The following SGF29 variants were observed in gnomAD, a reference collection of about 807,000 sequenced individuals.
SGF29 encodes the protein SAGA complex associated factor 29, also known as SAGA-associated factor 29.
SGF29 carries 15 observed loss-of-function variants against 38.1 expected under a neutral mutation model. That is an observed-to-expected ratio of 0.39 (90% CI 0.26 to 0.61). SGF29 has a LOEUF of 0.61. SGF29 is among the 20% of genes least tolerant of loss of function. The pLI, the probability that SGF29 is intolerant of heterozygous loss-of-function variation, is 0.49. For missense variants in SGF29, 184 were observed against 394.6 expected (o/e 0.47, Z 4.52); for synonymous variants, 151 against 160.8 (o/e 0.94, Z 0.46).
intron 1 of SGF29, among the ~76,000 whole-genome samples, chr16:28,555,190 G>A (rs180941629): frequency 2.0e-5 from 3 of 152,138 alleles, no homozygotes; most frequent in Admixed American, 1.3e-4. Context: ...CTGGCCAGGC[G>A]CGGTGGCTCA....
intron 1 of SGF29, among the ~76,000 whole-genome samples, chr16:28,566,317 C>T (rs1008336798): frequency 6.6e-6 from 1 of 151,318 alleles, no homozygotes; most frequent in African/African-American, 2.4e-5. Context: ...CTTAGGGGAA[C>T]AGAAAGGCAA....
chr16:28,561,856 T>G (rs1162458424), intron 1 of SGF29, among the ~76,000 whole-genome samples: 3 of 152,224 alleles, frequency 2.0e-5, no homozygotes, highest in Non-Finnish European at 4.4e-5. Flanking sequence ...CCCCAGGGCC[T>G]CATTCCCACT....
At chr16:28,563,082 G>A (rs1474013790) in intron 1 of SGF29, among the ~76,000 whole-genome samples, 1 of 152,034 alleles carries the variant, frequency 6.6e-6, no homozygotes, top group African/African-American at 2.4e-5. Flanking sequence ...AGGTTGTTGG[G>A]ATTTGCTTTA....
At chr16:28,564,708 CATATATATGT>C (rs1555474884) in intron 1 of SGF29, among the ~76,000 whole-genome samples, 8 of 50,232 alleles carry the variant, frequency 1.6e-4, no homozygotes, top group African/African-American at 3.9e-4. Flanking sequence ...TATATATATA[CATATATATGT>C]ATATATATAC....
At chr16:28,569,356 C>T (rs1409063831) in intron 1 of SGF29, among the ~76,000 whole-genome samples, 2 of 152,086 alleles carry the variant, frequency 1.3e-5, no homozygotes, top group Non-Finnish European at 2.9e-5. Context: ...AGCATGGCCA[C>T]GTTGTAAAGA....
rs369823574 is a variant in SGF29, at chr16:28,585,635, G to A, written c.152-13G>A. The A allele has an allele frequency of 6.2e-7, 1 of 1,613,602 alleles. No individual in the cohort carries two copies. The highest frequency in any genetic ancestry group is 2.2e-5 in the East Asian group (1 of 44,890). ...CCTGGCCCTGCCTCCTTATCCCTGT[G>A]TTTCCTCTGCAGTTTCTCCCTATTA... On this transcript the variant is annotated splice_polypyrimidine_tract_variant and intron_variant, in intron 3 of 9. Coordinates refer to ENST00000317058, the MANE Select transcript of SGF29 (RefSeq NM_138414.3).
At chr16:28,575,670 G>A (rs1466216697) in intron 1 of SGF29, among the ~76,000 whole-genome samples, 1 of 152,236 alleles carries the variant, frequency 6.6e-6, no homozygotes, top group East Asian at 1.9e-4. Flanking sequence ...GGGTGGCAGA[G>A]TGAGACTCCG....
At chr16:28,556,166 A>G (rs1166946715) in intron 1 of SGF29, among the ~76,000 whole-genome samples, 1 of 151,984 alleles carries the variant, frequency 6.6e-6, no homozygotes, top group East Asian at 1.9e-4. Flanking sequence ...TATAGATTCT[A>G]TTTATTTATT....
chr16:28,578,739 G>T (rs1429227510), intron 1 of SGF29, among the ~76,000 whole-genome samples: 1 of 149,398 alleles, frequency 6.7e-6, no homozygotes, highest in Non-Finnish European at 1.5e-5. Flanking sequence ...TCAGGAGTTT[G>T]AGACCAGCCT....
intron 1 of SGF29, among the ~76,000 whole-genome samples, chr16:28,560,114 C>G (rs2046777029): frequency 6.6e-6 from 1 of 151,328 alleles, no homozygotes; most frequent in Non-Finnish European, 1.5e-5. Context: ...TGGTGGTACA[C>G]AGGAGGCTCA....
intron 1 of SGF29, among the ~76,000 whole-genome samples, chr16:28,564,555 A>ATATATATACGTG (rs1434601032): frequency 1.5e-5 from 2 of 132,252 alleles, no homozygotes; most frequent in Non-Finnish European, 3.1e-5. Context: ...ATATACGTAT[A>ATATATATACGTG]TATATATATA....
chr16:28,564,008 A>G (rs1334859626), intron 1 of SGF29, among the ~76,000 whole-genome samples: 1 of 152,134 alleles, frequency 6.6e-6, no homozygotes, highest in Non-Finnish European at 1.5e-5. Context: ...CGGCCTCCCA[A>G]AGTGCTGGGA....
intron 1 of SGF29, among the ~76,000 whole-genome samples, chr16:28,564,775 A>ATATATGTATATATATG (rs1567286241): frequency 2.7e-4 from 13 of 47,460 alleles, no homozygotes; most frequent in Admixed American, 5.1e-4. Flanking sequence ...ATATATATGT[A>ATATATGTATATATATG]TATATATATA....
At chr16:28,588,643 CA>C (rs757638889) in intron 4 of SGF29, 17 of 429,398 alleles carry the variant, frequency 4.0e-5, no homozygotes, top group South Asian at 2.5e-4. Flanking sequence ...CGGTTCACTG[CA>C]ACCTCTGCCT....
intron 1 of SGF29, among the ~76,000 whole-genome samples, chr16:28,555,656 A>T (rs1368913727): frequency 3.3e-5 from 5 of 152,246 alleles, no homozygotes; most frequent in Non-Finnish European, 7.3e-5. Flanking sequence ...CTGGAAGCCC[A>T]GGAAAGCAAA....
chr16:28,584,862 C>T (rs770295744), intron 2 of SGF29, 51 bp from the exon 3 acceptor site: 4 of 1,391,950 alleles, frequency 2.9e-6, no homozygotes, highest in South Asian at 2.4e-5. Flanking sequence ...GGCAGGGTAC[C>T]ACAGCAGCAC....
chr16:28,557,691 T>C (rs768820965), intron 1 of SGF29, among the ~76,000 whole-genome samples: 1 of 152,190 alleles, frequency 6.6e-6, no homozygotes, highest in Non-Finnish European at 1.5e-5. Flanking sequence ...ACACTCTGTC[T>C]GGGTGGATAG....
chr16:28,591,292 G>A (rs1219889017), intron 9 of SGF29, among the ~76,000 whole-genome samples: 1 of 152,264 alleles, frequency 6.6e-6, no homozygotes, highest in African/African-American at 2.4e-5. Context: ...GTTGCCCTCA[G>A]TCCTCTCAAC....
chr16:28,573,009 C>T (rs1032177363), intron 1 of SGF29, among the ~76,000 whole-genome samples: 1 of 152,206 alleles, frequency 6.6e-6, no homozygotes, highest in African/African-American at 2.4e-5. Flanking sequence ...TTGCTTCCTG[C>T]ATTTGCCTCC....
Sources: gnomAD v4.1 joint callset for allele counts (sites outside exome capture counted in the v4.1 genomes callset) on GRCh38, gnomAD v4.1.1 for gene constraint, MANE v1.5 for transcripts, NCBI Gene and HGNC (gene_info 2026-07-23, HGNC 2026-07-21) for gene names.